AOPEP: variants seen among roughly 807,000 people sequenced by gnomAD.
The protein encoded by AOPEP is aminopeptidase O (putative).
In AOPEP, 77 loss-of-function variants were observed where a neutral mutation model predicts 98.1. The observed-to-expected ratio is 0.78, with a 90% CI of 0.65 to 0.95. AOPEP has a LOEUF of 0.95. Ranked by LOEUF, AOPEP falls within the 40% of genes least tolerant of loss-of-function variation. The pLI, the probability that AOPEP is intolerant of heterozygous loss-of-function variation, is 0.00. For synonymous variants in AOPEP, 346 were observed against 365.3 expected (o/e 0.95, Z 0.60); for missense variants, 1,024 against 1,024.7 (o/e 1.00, Z 0.01).
At chr9:95,135,287 G>T in the AOPEP span, 15 of 1,536,382 alleles carry the variant, frequency 9.8e-6, no homozygotes, top group African/African-American at 1.4e-5. Context: ...CTGACTAAAA[G>T]AAATGATTCC....
At chr9:95,040,375 T>A (rs558477664) in intron 13 of AOPEP, among the ~76,000 whole-genome samples, 1 of 152,242 alleles carries the variant, frequency 6.6e-6, no homozygotes, top group Non-Finnish European at 1.5e-5. Context: ...AAAGGCTGTG[T>A]CCCACGATAT....
In AOPEP at chr9:94,759,802, C is replaced by A. The variant is rs759094419; in HGVS notation, c.19C>A (p.Pro7Thr). 2.5e-6 allele frequency: 4 copies of A among 1,613,694 alleles called. No individual in the cohort carries two copies. Among genetic ancestry groups the A allele is most frequent in the Admixed American group, 1.7e-5 (1 of 59,984 alleles). Residue 7 changes from proline to threonine, a missense_variant, in exon 2 of 17, where the codon CCT (proline) becomes ACT (threonine). Around this residue, in one of 3 missense-constraint regions of AOPEP, gnomAD observed 440 missense variants for 433.8 expected, o/e 1.01. Coordinates refer to ENST00000375315, the MANE Select transcript of AOPEP (RefSeq NM_001193329.3). MDIQLD[P>T]ARDDLPLMAN... ...CCACATCATGGACATACAGCTGGAC[C>A]CTGCCAGAGATGACCTGCCTCTCAT...
At chr9:94,950,114 T>A (rs1326571726) in intron 7 of AOPEP, among the ~76,000 whole-genome samples, 1 of 152,196 alleles carries the variant, frequency 6.6e-6, no homozygotes, top group Non-Finnish European at 1.5e-5. Context: ...AAGAAATTAC[T>A]GTAGTAGTAG....
In AOPEP at chr9:94,744,121, G is replaced by A. The variant is rs79869389; in HGVS notation, c.-135-15528G>A. 4.3e-3 allele frequency among the ~76,000 whole-genome samples: 641 copies of A among 149,878 alleles called. 1 individual carries two copies. Among genetic ancestry groups the A allele is most frequent in the African/African-American group, 0.016 (622 of 39,720 alleles). ...TTAAGAATAAGATATGGGGCTGTGC[G>A]CGGTGGCTTATGCCTGTAATCCAGA... On this transcript the variant is annotated intron_variant, in intron 1 of 16. Coordinates refer to ENST00000375315, the MANE Select transcript of AOPEP (RefSeq NM_001193329.3).
At chr9:95,142,753 A>G in the AOPEP span, among the ~76,000 whole-genome samples, 1 of 152,224 alleles carries the variant, frequency 6.6e-6, no homozygotes, top group Non-Finnish European at 1.5e-5. Flanking sequence ...TTTAACACTC[A>G]GAGCCACCCC....
intron 1 of AOPEP, among the ~76,000 whole-genome samples, chr9:94,752,857 T>C (rs539066034): frequency 6.6e-6 from 1 of 152,324 alleles, no homozygotes; most frequent in South Asian, 2.1e-4. Context: ...AATAACCATG[T>C]TGACTTTGAG....
intron 5 of AOPEP, among the ~76,000 whole-genome samples, chr9:94,825,291 G>A (rs1854245389): frequency 6.6e-6 from 1 of 152,180 alleles, no homozygotes; most frequent in Non-Finnish European, 1.5e-5. Flanking sequence ...GACCAGCCCC[G>A]CATCCTGCTG....
chr9:94,929,177 A>G (rs1232375221), intron 7 of AOPEP, among the ~76,000 whole-genome samples: 1 of 152,180 alleles, frequency 6.6e-6, no homozygotes, highest in Non-Finnish European at 1.5e-5. Context: ...TGCTATGGCA[A>G]CAGGAGGTTC....
rs145321005 is a variant in AOPEP, at chr9:94,945,818, G to A, written c.1662-9359G>A. On this transcript the variant is annotated intron_variant, in intron 7 of 16. Transcript: ENST00000375315. ...CATTTGCCTCTTTCCAGAAGAAGTC[G>A]TGATTTTTTTTTTAATGCAATACAG... is the stretch of plus-strand genomic sequence containing the variant. Among the ~76,000 whole-genome samples the A allele has an allele frequency of 3.3e-5, 5 of 152,088 alleles. No individual in the cohort carries two copies. The East Asian group carries it at 7.7e-4, about 23-fold the overall frequency.
chr9:95,139,092 G>A, the AOPEP span, among the ~76,000 whole-genome samples: 2 of 152,140 alleles, frequency 1.3e-5, no homozygotes, highest in East Asian at 1.9e-4. Context: ...GAATTTGGCC[G>A]AGCCAACATA....
the AOPEP span, among the ~76,000 whole-genome samples, chr9:95,131,051 A>C: frequency 6.6e-6 from 1 of 152,164 alleles, no homozygotes; most frequent in African/African-American, 2.4e-5. Flanking sequence ...AGCTCGGAAA[A>C]ATTATTCTTT....
chr9:94,741,838 A>C (rs947408450), intron 1 of AOPEP, among the ~76,000 whole-genome samples: 6 of 152,184 alleles, frequency 3.9e-5, no homozygotes, highest in Admixed American at 3.3e-4. Flanking sequence ...CTGATAGAAC[A>C]ACCAACATGT....
At chr9:94,862,963 G>A (rs545323218) in intron 5 of AOPEP, among the ~76,000 whole-genome samples, 1 of 152,304 alleles carries the variant, frequency 6.6e-6, no homozygotes, top group South Asian at 2.1e-4. Flanking sequence ...TCGAGTAATA[G>A]GTTTAAAAAG....
At chr9:95,015,562 A>T (rs2062908129) in intron 13 of AOPEP, among the ~76,000 whole-genome samples, 1 of 152,242 alleles carries the variant, frequency 6.6e-6, no homozygotes, top group Admixed American at 6.5e-5. Context: ...GTAGAAAACT[A>T]TATAGGATAG....
intron 3 of AOPEP, among the ~76,000 whole-genome samples, chr9:94,782,949 C>T (rs1463287210): frequency 6.6e-6 from 1 of 152,198 alleles, no homozygotes; most frequent in African/African-American, 2.4e-5. Context: ...ATGATTCTGG[C>T]AGGCATGTAT....
At chr9:94,787,442 G>C (rs1185902619) in intron 3 of AOPEP, among the ~76,000 whole-genome samples, 2 of 152,186 alleles carry the variant, frequency 1.3e-5, no homozygotes, top group Admixed American at 6.5e-5. Flanking sequence ...TTCAGTTTCT[G>C]CTGTTTCCAC....
intron 5 of AOPEP, among the ~76,000 whole-genome samples, chr9:94,861,025 A>G (rs952981891): frequency 2.6e-5 from 4 of 152,196 alleles, no homozygotes; most frequent in African/African-American, 9.7e-5. Context: ...TTTCAGCTTC[A>G]GTGTGCTGAC....
chr9:95,141,358 C>T, the AOPEP span, among the ~76,000 whole-genome samples: 1 of 141,886 alleles, frequency 7.0e-6, no homozygotes, highest in African/African-American at 2.6e-5. Context: ...GGAAGTCTCT[C>T]AGTTTCCATC....
intron 14 of AOPEP, among the ~76,000 whole-genome samples, chr9:95,067,982 G>A (rs541272316): frequency 2.0e-5 from 3 of 152,152 alleles, no homozygotes; most frequent in South Asian, 2.1e-4. Flanking sequence ...TAATGTTTTC[G>A]GGGATCATCC....
Sources: gnomAD v4.1 joint callset for allele counts (sites outside exome capture counted in the v4.1 genomes callset) on GRCh38, gnomAD v4.1.1 for gene constraint, gnomAD v4.1.1 regional missense constraint, MANE v1.5 for transcripts, NCBI Gene and HGNC (gene_info 2026-07-23, HGNC 2026-07-21) for gene names.